The following RNPC3 variants were observed in gnomAD, a reference collection of about 807,000 sequenced individuals.
The protein encoded by RNPC3 is RNA-binding region-containing protein 3.
A neutral mutation model predicts 67.5 loss-of-function variants in RNPC3; 48 were observed. The ratio of observed to expected loss-of-function variants is 0.71; its 90% confidence interval spans 0.56 to 0.90. The LOEUF is 0.90. RNPC3 is among the 40% of genes least tolerant of loss of function. The probability of loss-of-function intolerance (pLI) is 0.00; values close to 1 mark genes in which losing one functional copy is unlikely to be tolerated. For missense variants in RNPC3, 637 were observed against 626.1 expected, an observed-to-expected ratio of 1.02 and a Z score of -0.19; for synonymous variants, 239 against 210.3, an observed-to-expected ratio of 1.14 and a Z score of -1.18.
chr1:103,533,792 AT>A lies in RNPC3; in HGVS notation c.297del (p.Phe99LeufsTer39). 11 of 1,535,574 alleles carry A rather than the reference AT, an allele frequency of 7.2e-6. No individual in the cohort carries two copies. Among genetic ancestry groups the A allele is most frequent in the Non-Finnish European group, 9.6e-6 (11 of 1,145,698 alleles). ...TTTTAGGTCATACTTTAGTCGTTGA[AT>A]TTGCAAAAGAGCAAGATCGAGTTCA... ...KLLGHTLVVE[F>X]AKEQDRVHSP... On this transcript the variant is annotated frameshift_variant, in exon 3 of 15. Transcript: ENST00000423855. LOFTEE classifies it high-confidence loss of function.
chr1:103,546,777 A>G, intron 11 of RNPC3, 200 bp from the exon 12 acceptor site: 1 of 435,738 alleles, frequency 2.3e-6, no homozygotes, highest in East Asian at 3.6e-5. Context: ...CATCACCACA[A>G]TTTCTGCCTT....
intron 1 of RNPC3, among the ~76,000 whole-genome samples, chr1:103,526,465 A>G (rs1650711761): frequency 1.3e-5 from 2 of 152,206 alleles, no homozygotes; most frequent in Admixed American, 1.3e-4. Flanking sequence ...TAGTCATAGC[A>G]CTGCAGAAAA....
chr1:103,553,561 AACTT>A (rs1231841613), intron 14 of RNPC3: 1 of 152,186 alleles, frequency 6.6e-6, no homozygotes, highest in African/African-American at 2.4e-5. Flanking sequence ...GAATCAGGTC[AACTT>A]ACTTAGAGAA....
At position 103,551,647 on chromosome 1, in the gene RNPC3, A is replaced by T. The variant is rs558471059; in HGVS notation, c.1495-74A>T. 6.5e-5 allele frequency: 64 copies of T among 981,318 alleles called. No individual in the cohort carries two copies. In the African/African-American group the frequency reaches 1.1e-3, roughly 16 times the overall value. The allele number at this position is 981,318 out of a possible 1,614,324, so 60.8% of individuals were successfully genotyped here. On this transcript the variant is annotated intron_variant, in intron 13 of 14. Coordinates refer to ENST00000423855, the MANE Select transcript of RNPC3 (RefSeq NM_017619.4). Reference sequence around the variant, plus strand: ...AAAAACCATACTCCCACCATACACTAGAAAGTTTTTGAGAATTATTTAGAA... The same window carrying T: ...AAAAACCATACTCCCACCATACACTTGAAAGTTTTTGAGAATTATTTAGAA...
intron 6 of RNPC3, among the ~76,000 whole-genome samples, 199 bp downstream of exon 6, chr1:103,536,393 A>G (rs1179691338): frequency 3.3e-5 from 5 of 152,210 alleles, no homozygotes; most frequent in Non-Finnish European, 7.4e-5. Context: ...GCTTTTGTCA[A>G]TAAAGGCTAT....
intron 5 of RNPC3, among the ~76,000 whole-genome samples, chr1:103,535,721 A>G (rs572530263): frequency 3.4e-4 from 52 of 152,200 alleles, no homozygotes; most frequent in African/African-American, 1.2e-3. Flanking sequence ...AAGAAAAGTT[A>G]TAGTAGACCC....
intron 2 of RNPC3, among the ~76,000 whole-genome samples, chr1:103,533,184 CAGAT>C (rs1250051450): frequency 4.6e-5 from 7 of 152,066 alleles, no homozygotes; most frequent in African/African-American, 1.2e-4. Context: ...TAGATGATAA[CAGAT>C]AGCATGCATA....
intron 12 of RNPC3, among the ~76,000 whole-genome samples, chr1:103,549,575 G>A (rs987641036): frequency 6.6e-5 from 10 of 152,062 alleles, no homozygotes; most frequent in African/African-American, 2.4e-4. Context: ...TACTTTGGTA[G>A]TCTCATAGAC....
rs1301916647 is a variant in RNPC3, at chr1:103,545,011, C to T, written c.1116C>T (p.Asp372=). ...FGKIFPKPNL[D]ITEEIKEDSD... is the part of the protein sequence containing the mutation. ...AAATCTTCCCCAAACCTAATTTGGA[C>T]ATCACAGAGGAGATTAAAGAAGACT... The change falls in exon 10 of 15, where the codon GAC becomes GAT. Residue 372 remains aspartate (D), a synonymous_variant. Transcript: ENST00000423855. 1.3e-6 allele frequency: 2 copies of T among 1,533,550 alleles called. No individual in the cohort carries two copies. Among genetic ancestry groups the T allele is most frequent in the East Asian group, 2.5e-5 (1 of 40,678 alleles). The allele number at this position is 1,533,550 out of a possible 1,614,324, so 95.0% of individuals were successfully genotyped here.
At chr1:103,533,643 G>C (rs1650914038) in intron 2 of RNPC3, 96 bp from the exon 3 acceptor site, 2 of 638,842 alleles carry the variant, frequency 3.1e-6, no homozygotes. Context: ...ACTGTTTACA[G>C]CATTAGCAAA....
chr1:103,534,745 A>G, intron 3 of RNPC3, 29 bp from the exon 4 acceptor site: 1 of 1,320,628 alleles, frequency 7.6e-7, no homozygotes, highest in Non-Finnish European at 1.0e-6. Context: ...TTGGAAAGAT[A>G]AGATTAACTT....
intron 14 of RNPC3, chr1:103,553,219 T>A (rs1388757706): frequency 6.6e-6 from 1 of 152,216 alleles, no homozygotes; most frequent in Non-Finnish European, 1.5e-5. Flanking sequence ...TTATTTTAAA[T>A]CTGGTGCTGA....
At position 103,531,170 on chromosome 1, in the gene RNPC3, T is replaced by C. The variant is rs1650849508; in HGVS notation, c.241-2569T>C. Among the ~76,000 whole-genome samples, 5 of 152,304 alleles carry C rather than the reference T, an allele frequency of 3.3e-5. No individual in the cohort carries two copies. In the South Asian group the frequency reaches 1.0e-3, roughly 32 times the overall value. On this transcript the variant is annotated intron_variant, in intron 2 of 14. Transcript: ENST00000423855. ...TCCATCTAGGTTGCTGCAAATGCCATTATTTTGTTCCTTTTTATGACTGAG... is the reference window on the plus strand; with the variant it reads ...TCCATCTAGGTTGCTGCAAATGCCACTATTTTGTTCCTTTTTATGACTGAG...
chr1:103,551,034 A>C lies in RNPC3; in HGVS notation c.1455A>C (p.Glu485Asp). 1 of 1,612,640 alleles carries C rather than the reference A, an allele frequency of 6.2e-7. No homozygotes were observed. Reference protein sequence around the residue: ...NEKAAAKALKEANGYVLFGKP... With the variant: ...NEKAAAKALKDANGYVLFGKP... ...AAGCAGCAGCAAAAGCCTTAAAGGA[A>C]GCTAATGGATATGTGCTTTTTGGAA... is the stretch of plus-strand genomic sequence containing the variant. The change falls in exon 13 of 15, where the codon GAA (glutamate) becomes GAC (aspartate). Residue 485 changes from glutamate (E) to aspartate (D), a missense_variant. By Grantham distance (45) the Glu-to-Asp change is conservative. This residue lies in a region of RNPC3 where 96 missense variants were observed against 105.8 expected (regional missense o/e 0.91). Transcript: ENST00000423855.
At position 103,537,349 on chromosome 1, in the gene RNPC3, A is replaced by T; in HGVS notation, c.632A>T (p.Asp211Val). Residue 211 changes from aspartate (D) to valine (V), a missense_variant, in exon 7 of 15, where the codon GAC becomes GTC. By Grantham distance (152) the Asp-to-Val change is radical (BLOSUM62 -3). Transcript: ENST00000423855. ...TTTTATTCTTTTAATTAGTATGAAG[A>T]CTATATGCCATTGCATGCACCTCTT... Reference protein sequence around the residue: ...PITARPPMYEDYMPLHAPLPP... With the variant: ...PITARPPMYEVYMPLHAPLPP... 1.3e-6 allele frequency: 2 copies of T among 1,531,456 alleles called. No homozygotes were observed. The highest frequency in any genetic ancestry group is 1.7e-6 in the Non-Finnish European group (2 of 1,145,012). The allele number at this position is 1,531,456 out of a possible 1,614,324, so 94.9% of individuals were successfully genotyped here.
chr1:103,546,814 T>A, intron 11 of RNPC3, 163 bp from the exon 12 acceptor site: 1 of 516,648 alleles, frequency 1.9e-6, no homozygotes, highest in Non-Finnish European at 3.4e-6. Flanking sequence ...CCTTTGTGAG[T>A]ATCTGTCCAA....
intron 7 of RNPC3, among the ~76,000 whole-genome samples, chr1:103,539,653 G>A (rs1651072925): frequency 6.6e-6 from 1 of 152,160 alleles, no homozygotes; most frequent in African/African-American, 2.4e-5. Flanking sequence ...TCCTGAGAGA[G>A]AACATAGCCT....
Position 103,537,476 on chromosome 1 carries a change from C to G in RNPC3, c.759C>G (p.Asp253Glu), listed in dbSNP as rs1015262742. Reference protein sequence around the residue: ...ESEYESTDDEDRQRMNKLMEL... With the variant: ...ESEYESTDDEERQRMNKLMEL... Reference sequence around the variant, plus strand: ...AATATGAAAGCACTGATGATGAGGACCGACAGAGGTTTGTAACATGAAAAA... The same window carrying G: ...AATATGAAAGCACTGATGATGAGGAGCGACAGAGGTTTGTAACATGAAAAA... The change falls in exon 7 of 15, where the codon GAC (aspartate) becomes GAG (glutamate). Residue 253 changes from aspartate (D) to glutamate (E), a missense_variant. Transcript: ENST00000423855. The G allele has an allele frequency of 3.3e-6, 5 of 1,533,452 alleles. No individual in the cohort carries two copies. Among genetic ancestry groups the G allele is most frequent in the Non-Finnish European group, 4.4e-6 (5 of 1,145,664 alleles). The allele number at this position is 1,533,452 out of a possible 1,614,324, so 95.0% of individuals were successfully genotyped here.
At chr1:103,538,277 T>C (rs1304399280) in intron 7 of RNPC3, among the ~76,000 whole-genome samples, 5 of 152,238 alleles carry the variant, frequency 3.3e-5, no homozygotes, top group African/African-American at 1.2e-4. Flanking sequence ...TCAGTTCTTA[T>C]ACTACAAACA....
Sources: gnomAD v4.1 joint callset for allele counts (sites outside exome capture counted in the v4.1 genomes callset) on GRCh38, gnomAD v4.1.1 for gene constraint, gnomAD v4.1.1 regional missense constraint, MANE v1.5 for transcripts, NCBI Gene and HGNC (gene_info 2026-07-23, HGNC 2026-07-21) for gene names.